The following KIAA1217 variants were observed in gnomAD, a reference collection of about 807,000 sequenced individuals.
KIAA1217 encodes KIAA1217.
In KIAA1217, 88 loss-of-function variants were observed where a neutral mutation model predicts 163.9. The ratio of observed to expected loss-of-function variants is 0.54; its 90% CI spans 0.45 to 0.64. KIAA1217 has a LOEUF of 0.64. Among genes scored for constraint, KIAA1217 ranks in the 30% least tolerant of loss-of-function variants. The pLI, the probability that KIAA1217 is intolerant of heterozygous loss-of-function variation, is 0.00. For synonymous variants in KIAA1217, 903 were observed against 923.1 expected (o/e 0.98, Z 0.39); for missense variants, 2,372 against 2,475.0 (o/e 0.96, Z 0.88).
chr10:23,801,966 C>A (rs1281675557), intron 1 of KIAA1217, among the ~76,000 whole-genome samples: 1 of 152,144 alleles, frequency 6.6e-6, no homozygotes, highest in Non-Finnish European at 1.5e-5. Context: ...TTCATATATT[C>A]CCTAAAGTCC....
intron 5 of KIAA1217, among the ~76,000 whole-genome samples, chr10:24,448,408 G>A (rs2061137834): frequency 6.6e-6 from 1 of 152,050 alleles, no homozygotes; most frequent in Non-Finnish European, 1.5e-5. Context: ...TTATTTTGAA[G>A]GCAGGGTCTT....
intron 2 of KIAA1217, among the ~76,000 whole-genome samples, chr10:24,143,300 C>T (rs920805294): frequency 3.1e-4 from 47 of 152,076 alleles, no homozygotes; most frequent in South Asian, 6.2e-4. Flanking sequence ...AGTCTCGCTC[C>T]GTTGTCCAGG....
intron 1 of KIAA1217, among the ~76,000 whole-genome samples, chr10:24,005,171 G>T (rs1428123677): frequency 1.3e-5 from 2 of 152,238 alleles, no homozygotes; most frequent in Non-Finnish European, 2.9e-5. Flanking sequence ...ACCTTTAAAA[G>T]TGTTGGCTTA....
Position 23,958,659 on chromosome 10 carries a change from A to AAG in KIAA1217, c.-320-48549_-320-48548dup, listed in dbSNP as rs750483266. 1.3e-3 allele frequency among the ~76,000 whole-genome samples: 194 copies of AAG among 150,356 alleles called. 2 individuals are homozygous for AAG. Among genetic ancestry groups the AAG allele is most frequent in the Non-Finnish European group, 2.0e-3 (136 of 67,460 alleles). On this transcript the variant is annotated intron_variant, in intron 1 of 18. Coordinates refer to the KIAA1217 transcript ENST00000376462. ...TCTAAATTTTCTGGAAAATGAGAGA[A>AAG]AGAGAGAGAGAGAGAGAGTGAGAGA... is the stretch of plus-strand genomic sequence containing the variant.
chr10:24,421,207 T>C (rs947897838), intron 3 of KIAA1217, among the ~76,000 whole-genome samples: 9 of 152,160 alleles, frequency 5.9e-5, no homozygotes, highest in Non-Finnish European at 1.2e-4. Flanking sequence ...GGTTTTACCA[T>C]GTTGGTCAGG....
intron 5 of KIAA1217, among the ~76,000 whole-genome samples, chr10:24,465,849 G>A (rs189022369): frequency 2.6e-4 from 39 of 152,138 alleles, no homozygotes; most frequent in Non-Finnish European, 4.4e-4. Flanking sequence ...CCTTCATCTT[G>A]TTTAGGGTGG....
chr10:24,011,974 G>A (rs541650736), intron 2 of KIAA1217, among the ~76,000 whole-genome samples: 4 of 150,024 alleles, frequency 2.7e-5, no homozygotes, highest in African/African-American at 9.9e-5. Context: ...ATGTTCAGAT[G>A]GAAATGACAG....
chr10:23,721,861 C>T (rs898219282), intron 1 of KIAA1217, among the ~76,000 whole-genome samples: 1 of 152,022 alleles, frequency 6.6e-6, no homozygotes, highest in African/African-American at 2.4e-5. Flanking sequence ...GTACAAGTTT[C>T]CTGTATTTTA....
At chr10:24,255,372 C>A in intron 2 of KIAA1217, 1 of 333,926 alleles carries the variant, frequency 3.0e-6, no homozygotes, top group Non-Finnish European at 6.0e-6. Flanking sequence ...TGCGTCAGGC[C>A]TGCTTGCTGG....
chr10:23,968,190 A>G (rs1845152837), intron 1 of KIAA1217, among the ~76,000 whole-genome samples: 1 of 152,212 alleles, frequency 6.6e-6, no homozygotes, highest in South Asian at 2.1e-4. Flanking sequence ...ATGTGCATAT[A>G]TAAATCTAAG....
chr10:24,138,536 T>A (rs527586305), intron 2 of KIAA1217, among the ~76,000 whole-genome samples: 11 of 152,306 alleles, frequency 7.2e-5, no homozygotes, highest in Admixed American at 6.5e-4. Context: ...TTGTAAGCTA[T>A]TTGTAGACAC....
At chr10:24,099,030 A>C (rs1460778773) in intron 2 of KIAA1217, among the ~76,000 whole-genome samples, 1 of 152,020 alleles carries the variant, frequency 6.6e-6, no homozygotes, top group Non-Finnish European at 1.5e-5. Flanking sequence ...ACTGTAGAAA[A>C]AACAACAGCA....
chr10:24,530,486 G>A (rs911546979), intron 14 of KIAA1217, among the ~76,000 whole-genome samples: 4 of 152,102 alleles, frequency 2.6e-5, no homozygotes, highest in Non-Finnish European at 4.4e-5. Flanking sequence ...CATTTTTAAT[G>A]TATTTTTGTT....
At chr10:23,838,760 CG>C (rs1838618346) in intron 1 of KIAA1217, among the ~76,000 whole-genome samples, 1 of 152,152 alleles carries the variant, frequency 6.6e-6, no homozygotes, top group African/African-American at 2.4e-5. Context: ...CACACCCAGC[CG>C]CTTAAGATTC....
At chr10:24,082,387 G>A (rs566085592) in intron 2 of KIAA1217, among the ~76,000 whole-genome samples, 1 of 152,086 alleles carries the variant, frequency 6.6e-6, no homozygotes, top group African/African-American at 2.4e-5. Flanking sequence ...TTTCCCTAAT[G>A]TTCTCCCCCA....
chr10:23,790,709 ATATATG>A lies in KIAA1217; in HGVS notation c.-321+95479_-321+95484del, dbSNP rs1357752690. On this transcript the variant is annotated intron_variant, in intron 1 of 18. Coordinates refer to the KIAA1217 transcript ENST00000376462. ...TGTATGTATATATACACACACATAT[ATATATG>A]TATGTATGTATGTATGTATGTATGT... Among the ~76,000 whole-genome samples the A allele has an allele frequency of 2.7e-3, 375 of 137,958 alleles. 6 individuals carry two copies. Among genetic ancestry groups the A allele is most frequent in the African/African-American group, 0.011 (356 of 31,660 alleles). The allele number at this position is 137,958 out of a possible 152,430, so 90.5% of individuals were successfully genotyped here.
chr10:24,078,220 A>G (rs140756418), intron 2 of KIAA1217, among the ~76,000 whole-genome samples: 20 of 152,290 alleles, frequency 1.3e-4, no homozygotes, highest in African/African-American at 4.1e-4. Flanking sequence ...AGAGGTTAAG[A>G]GAAGACTCAT....
chr10:23,790,542 T>C (rs1835840002), intron 1 of KIAA1217, among the ~76,000 whole-genome samples: 1 of 91,652 alleles, frequency 1.1e-5, no homozygotes, highest in Non-Finnish European at 2.0e-5. Context: ...CATATACATG[T>C]GCATATATAC....
At chr10:24,094,818 C>G (rs1365572172) in intron 2 of KIAA1217, among the ~76,000 whole-genome samples, 2 of 152,210 alleles carry the variant, frequency 1.3e-5, no homozygotes, top group African/African-American at 4.8e-5. Flanking sequence ...TTTTGTTTGT[C>G]TGTGCCCTGC....
Sources: gnomAD v4.1 joint callset for allele counts (sites outside exome capture counted in the v4.1 genomes callset) on GRCh38, gnomAD v4.1.1 for gene constraint, MANE v1.5 for transcripts, NCBI Gene and HGNC (gene_info 2026-07-23, HGNC 2026-07-21) for gene names.